Variants in GCNT2 observed in about 807,000 individuals in gnomAD.
GCNT2 encodes the protein glucosaminyl (N-acetyl) transferase 2 (I blood group).
In GCNT2, 34 loss-of-function variants were observed where a neutral mutation model predicts 34.2. That is an observed-to-expected ratio of 1.00 (90% CI 0.76 to 1.32). The LOEUF is 1.32. Ranked by LOEUF, GCNT2 falls within the 40% of genes most tolerant of loss-of-function variation. The pLI is 0.00. For missense variants in GCNT2, 584 were observed against 489.4 expected (o/e 1.19, Z -1.82); for synonymous variants, 212 against 188.0 (o/e 1.13, Z -1.04).
intron 3 of GCNT2, chr6:10,556,812 C>T: frequency 6.2e-7 from 1 of 1,614,166 alleles, no homozygotes; most frequent in Non-Finnish European, 8.5e-7. Flanking sequence ...GATGAAAAAG[C>T]AACAACTGAA....
At chr6:10,609,549 C>A (rs1260074125) in intron 3 of GCNT2, among the ~76,000 whole-genome samples, 2 of 152,162 alleles carry the variant, frequency 1.3e-5, no homozygotes, top group Non-Finnish European at 2.9e-5. Flanking sequence ...CACATTCAAA[C>A]CATAGCAGAG....
At chr6:10,591,351 G>T (rs1764633813) in intron 3 of GCNT2, among the ~76,000 whole-genome samples, 1 of 152,174 alleles carries the variant, frequency 6.6e-6, no homozygotes, top group Non-Finnish European at 1.5e-5. Context: ...ACCTAGGATG[G>T]GGGATAATTT....
chr6:10,582,571 AATAT>A (rs1212031236), intron 3 of GCNT2, among the ~76,000 whole-genome samples: 6 of 138,112 alleles, frequency 4.3e-5, no homozygotes, highest in African/African-American at 1.6e-4. Context: ...TATATATTTA[AATAT>A]ATATAAACTA....
intron 3 of GCNT2, among the ~76,000 whole-genome samples, chr6:10,533,872 G>T (rs957433745): frequency 6.7e-6 from 1 of 148,944 alleles, no homozygotes; most frequent in African/African-American, 2.5e-5. Context: ...TTTTACTTGT[G>T]GCCTGTGGCT....
At chr6:10,589,389 T>G (rs1158690089) in intron 3 of GCNT2, among the ~76,000 whole-genome samples, 2 of 146,740 alleles carry the variant, frequency 1.4e-5, no homozygotes, top group Admixed American at 1.4e-4. Context: ...TGGTGTGTGT[T>G]TGTAGTGTGT....
chr6:10,524,349 T>C (rs1761086670), intron 1 of GCNT2, among the ~76,000 whole-genome samples: 1 of 151,344 alleles, frequency 6.6e-6, no homozygotes, highest in Admixed American at 6.6e-5. Context: ...CTCCCGGGGT[T>C]CAAGCGATTC....
In GCNT2 at chr6:10,525,927, C is replaced by G. The variant is rs113912773; in HGVS notation, c.-468-1547C>G. On this transcript the variant is annotated intron_variant, in intron 1 of 4. Coordinates refer to ENST00000495262, the MANE Select transcript of GCNT2 (RefSeq NM_145649.5). ...GGCCAAGAATGAGGTAAGAGTCAAA[C>G]AAACACCTGATGTAATTGTCTGGAT... 3.4e-3 allele frequency among the ~76,000 whole-genome samples: 518 copies of G among 152,276 alleles called. 7 individuals are homozygous for G. The highest frequency in any genetic ancestry group is 0.017 in the Middle Eastern group (5 of 294).
intron 4 of GCNT2, among the ~76,000 whole-genome samples, chr6:10,622,970 G>GTC (rs1424840268): frequency 6.6e-6 from 1 of 151,896 alleles, no homozygotes; most frequent in African/African-American, 2.4e-5. Context: ...GGCCAGGATG[G>GTC]TCTCAGTCTC....
rs1270208902 is a variant in GCNT2, at chr6:10,572,749, T to TA, written c.925+42918dup. On this transcript the variant is annotated intron_variant, in intron 3 of 4. Transcript: ENST00000495262. ...ACTCCGTCTCAAAAAAAAATAAAAATAAAAATAAAAAATAAAAGGATAGAT... is the reference window on the plus strand; with the variant it reads ...ACTCCGTCTCAAAAAAAAATAAAAATAAAAAATAAAAAATAAAAGGATAGAT... Among the ~76,000 whole-genome samples the TA allele has an allele frequency of 6.6e-5, 10 of 151,792 alleles. No homozygotes were observed. The East Asian group carries it at 1.9e-3, about 29-fold the overall frequency.
chr6:10,533,158 T>C (rs1439180557), intron 3 of GCNT2, among the ~76,000 whole-genome samples: 1 of 150,846 alleles, frequency 6.6e-6, no homozygotes, highest in Non-Finnish European at 1.5e-5. Context: ...ATACAAAAAT[T>C]AGCCGGGTGT....
chr6:10,587,277 T>C (rs1406604893), intron 3 of GCNT2, among the ~76,000 whole-genome samples: 1 of 152,248 alleles, frequency 6.6e-6, no homozygotes, highest in African/African-American at 2.4e-5. Flanking sequence ...GTGATGTTTC[T>C]TTCGGACGGA....
At chr6:10,560,402 T>C (rs77671495) in intron 3 of GCNT2, among the ~76,000 whole-genome samples, 4,552 of 152,276 alleles carry the variant, frequency 0.03, 231 homozygotes, top group African/African-American at 0.1. Context: ...AGCTCTTCTA[T>C]TTTCAATGTC....
chr6:10,610,255 T>C (rs1214608587), intron 3 of GCNT2, among the ~76,000 whole-genome samples: 1 of 152,196 alleles, frequency 6.6e-6, no homozygotes, highest in Non-Finnish European at 1.5e-5. Flanking sequence ...TGGAAGGGAA[T>C]AACTAGTGCA....
intron 3 of GCNT2, among the ~76,000 whole-genome samples, chr6:10,544,628 A>T (rs890168142): frequency 6.6e-6 from 1 of 150,548 alleles, no homozygotes; most frequent in Admixed American, 6.7e-5. Flanking sequence ...AAAATAAAAT[A>T]AAATATTAAA....
intron 3 of GCNT2, among the ~76,000 whole-genome samples, chr6:10,548,130 C>A (rs984400450): frequency 9.2e-5 from 14 of 152,204 alleles, no homozygotes; most frequent in African/African-American, 3.4e-4. Flanking sequence ...GAAGCTGAAA[C>A]AGGAGGATCA....
At chr6:10,581,409 T>C in intron 3 of GCNT2, among the ~76,000 whole-genome samples, 1 of 152,174 alleles carries the variant, frequency 6.6e-6, no homozygotes, top group African/African-American at 2.4e-5. Context: ...TAGCTGGGAT[T>C]ACAGGCATGC....
At chr6:10,614,822 A>G (rs544424117) in intron 3 of GCNT2, among the ~76,000 whole-genome samples, 4 of 152,126 alleles carry the variant, frequency 2.6e-5, no homozygotes, top group Admixed American at 6.5e-5. Flanking sequence ...CAATGGGGCC[A>G]CCCTTGCATT....
intron 3 of GCNT2, among the ~76,000 whole-genome samples, chr6:10,548,657 CT>C (rs1196607093): frequency 5.9e-5 from 9 of 152,182 alleles, no homozygotes; most frequent in African/African-American, 2.2e-4. Flanking sequence ...TTCTATCTGG[CT>C]TGCTTTTGTT....
chr6:10,611,631 T>G (rs1195185811), intron 3 of GCNT2, among the ~76,000 whole-genome samples: 1 of 152,138 alleles, frequency 6.6e-6, no homozygotes, highest in Non-Finnish European at 1.5e-5. Context: ...GCCCGGCCTA[T>G]GTACTTTGAA....
Sources: gnomAD v4.1 joint callset for allele counts (sites outside exome capture counted in the v4.1 genomes callset) on GRCh38, gnomAD v4.1.1 for gene constraint, MANE v1.5 for transcripts, NCBI Gene and HGNC (gene_info 2026-07-23, HGNC 2026-07-21) for gene names.